The following PACS2 variants were observed in gnomAD, a reference collection of about 807,000 sequenced individuals.
The protein encoded by PACS2 is PACS1-like protein.
PACS2 carries 36 observed loss-of-function variants against 113.0 expected under a neutral mutation model. That is an observed-to-expected ratio of 0.32 (90% CI 0.24 to 0.42). The LOEUF is 0.42. Among genes scored for constraint, PACS2 ranks in the 10% least tolerant of loss-of-function variants. The probability of loss-of-function intolerance (pLI) is 1.00; values close to 1 mark genes in which losing one functional copy is unlikely to be tolerated. For synonymous variants in PACS2, 589 were observed against 536.1 expected (o/e 1.10, Z -1.36); for missense variants, 1,015 against 1,239.5 (o/e 0.82, Z 2.72).
rs782027340 is a variant in PACS2, at chr14:105,348,442, G to A, written c.120-51G>A. 8.4e-6 allele frequency: 12 copies of A among 1,422,872 alleles called. No individual in the cohort carries two copies. The highest frequency in any genetic ancestry group is 8.4e-5 in the African/African-American group (6 of 71,236). The allele number at this position is 1,422,872 out of a possible 1,614,324, so 88.1% of individuals were successfully genotyped here. ...CAGTGCTGGGACGGCACAGGGCCGC[G>A]TCCTGAGGAGAGGGCGGAGCCCCGA... On this transcript the variant is annotated intron_variant, in intron 1 of 24. Transcript: ENST00000447393. The surrounding 1 kb of genome is among the most constrained non-coding windows in gnomAD (Gnocchi z 6.4).
rs782039359 is a variant in PACS2, at chr14:105,368,441, C to T, written c.661-18C>T. Reference sequence around the variant, plus strand: ...ATGCAGGCTGCCGTGGCCTCAGCCACTGCATATGTCTCTGCAGGACTTGGA... The same window carrying T: ...ATGCAGGCTGCCGTGGCCTCAGCCATTGCATATGTCTCTGCAGGACTTGGA... On this transcript the variant is annotated intron_variant, in intron 6 of 24. Transcript: ENST00000447393. The T allele has an allele frequency of 5.0e-6, 8 of 1,606,344 alleles. No homozygotes were observed. Among genetic ancestry groups the T allele is most frequent in the Non-Finnish European group, 6.8e-6 (8 of 1,173,412 alleles).
chr14:105,368,156 G>A lies in PACS2; in HGVS notation c.660+9G>A. The A allele has an allele frequency of 1.3e-6, 2 of 1,596,366 alleles. No individual in the cohort carries two copies. Among genetic ancestry groups the A allele is most frequent in the South Asian group, 2.2e-5 (2 of 90,812 alleles). Reference sequence around the variant, plus strand: ...ACGCCGTGCAGGGGCAGGTGACCTGGGGCCGGGGCTCCGCGCCCTCTCCTG... The same window carrying A: ...ACGCCGTGCAGGGGCAGGTGACCTGAGGCCGGGGCTCCGCGCCCTCTCCTG... On this transcript the variant is annotated intron_variant, in intron 6 of 24. Coordinates refer to ENST00000447393, the MANE Select transcript of PACS2 (RefSeq NM_001100913.3).
intron 7 of PACS2, 69 bp from the exon 8 acceptor site, chr14:105,369,772 A>G: frequency 7.2e-7 from 1 of 1,392,626 alleles, no homozygotes; most frequent in East Asian, 2.5e-5. Flanking sequence ...CCTGGGCCTG[A>G]GGAAGGGGCT....
chr14:105,303,090 A>C (rs1162884397), intron 1 of PACS2, among the ~76,000 whole-genome samples: 1 of 151,996 alleles, frequency 6.6e-6, no homozygotes, highest in Non-Finnish European at 1.5e-5. Flanking sequence ...CACCACGCCC[A>C]GCTAATTTTT....
chr14:105,370,040 C>G, intron 8 of PACS2, 140 bp downstream of exon 8: 1 of 721,910 alleles, frequency 1.4e-6, no homozygotes, highest in Non-Finnish European at 2.3e-6. Flanking sequence ...ATCGCACAGT[C>G]TGCGAGGCGC....
chr14:105,338,896 C>G (rs1187831585), intron 1 of PACS2, among the ~76,000 whole-genome samples: 1 of 152,208 alleles, frequency 6.6e-6, no homozygotes, highest in Non-Finnish European at 1.5e-5. Flanking sequence ...TCTTCCTACT[C>G]TCTCCCCTCC....
intron 1 of PACS2, among the ~76,000 whole-genome samples, chr14:105,302,671 T>C (rs1480260719): frequency 6.6e-6 from 1 of 151,996 alleles, no homozygotes; most frequent in African/African-American, 2.4e-5. Context: ...CTGCAGACTC[T>C]ACCTCCTGGG....
Position 105,394,745 on chromosome 14 carries a change from G to A in PACS2, c.*73G>A. 1 of 937,700 alleles carries A rather than the reference G, an allele frequency of 1.1e-6. No homozygotes were observed. The highest frequency in any genetic ancestry group is 1.8e-6 in the Non-Finnish European group (1 of 564,632). The allele number at this position is 937,700 out of a possible 1,614,324, so 58.1% of individuals were successfully genotyped here. The stretch of plus-strand genomic sequence containing the variant: ...CAGCTGCATTTCTGTTAACATTTCA[G>A]TTTACTACAGAGACAGACGCTTAAA... On this transcript the variant is annotated 3_prime_UTR_variant, in exon 25 of 25. Coordinates refer to ENST00000447393, the MANE Select transcript of PACS2 (RefSeq NM_001100913.3).
intron 10 of PACS2, 111 bp from the exon 11 acceptor site, chr14:105,379,969 C>T (rs2080922410): frequency 1.5e-6 from 2 of 1,308,300 alleles, no homozygotes; most frequent in Non-Finnish European, 2.2e-6. Context: ...GTCCAGCACA[C>T]TGCCACGCAG....
chr14:105,307,199 C>A (rs116565256), intron 1 of PACS2, among the ~76,000 whole-genome samples: 1 of 152,130 alleles, frequency 6.6e-6, no homozygotes, highest in East Asian at 1.9e-4. Context: ...CTTGAGCCAC[C>A]GTGCAGGCTG....
chr14:105,314,663 G>GGTCGGAGGGCGCCGGGCGCGC (rs2058474901), upstream of PACS2: 2 of 143,850 alleles, frequency 1.4e-5, no homozygotes, highest in Non-Finnish European at 3.1e-5. Flanking sequence ...CGCCGGCGCG[G>GGTCGGAGGGCGCCGGGCGCGC]GTCGGAGGGC....
In PACS2 at chr14:105,392,835, G is replaced by T. The variant is rs1001663611; in HGVS notation, c.2472G>T (p.Lys824Asn). 1 of 1,601,960 alleles carries T rather than the reference G, an allele frequency of 6.2e-7. No homozygotes were observed. The change falls in exon 23 of 25, where the codon AAG (lysine) becomes AAT (asparagine). Residue 824 changes from lysine to asparagine, a missense_variant. This residue lies in a region of PACS2 where 859 missense variants were observed against 1,056.8 expected (regional missense o/e 0.81). Transcript: ENST00000447393. ...CCATGACCGTGGTCACCAAGGAGAAGAACAAGAAGGGTGAGGTGGGGCAGG... is the reference window on the plus strand; with the variant it reads ...CCATGACCGTGGTCACCAAGGAGAATAACAAGAAGGGTGAGGTGGGGCAGG... ...TMSMTVVTKE[K>N]NKKVMFLPKK...
At chr14:105,345,374 T>C (rs1555402413) in intron 1 of PACS2, among the ~76,000 whole-genome samples, 1 of 151,922 alleles carries the variant, frequency 6.6e-6, no homozygotes, top group Non-Finnish European at 1.5e-5. Context: ...GCCACCGCAC[T>C]CCAGCCTGGG....
chr14:105,360,580 A>T (rs1274636810), intron 4 of PACS2, among the ~76,000 whole-genome samples: 5 of 151,362 alleles, frequency 3.3e-5, no homozygotes, highest in Admixed American at 3.3e-4. Context: ...GCTAACAATC[A>T]TCTGAGCCTT....
chr14:105,389,935 T>C, intron 19 of PACS2, 26 bp from the exon 20 acceptor site: 1 of 1,610,330 alleles, frequency 6.2e-7, no homozygotes, highest in African/African-American at 1.3e-5. Flanking sequence ...TGAGGAGAGC[T>C]TAACTGTCTG....
chr14:105,369,868 G>C lies in PACS2; in HGVS notation c.769G>C (p.Ala257Pro). The change falls in exon 8 of 25, where the codon GCG becomes CCG. Residue 257 changes from alanine (A) to proline (P), a missense_variant. Around this residue, in one of 3 missense-constraint regions of PACS2, gnomAD observed 859 missense variants for 1,056.8 expected, o/e 0.81. Transcript: ENST00000447393. ...RQQNFKQKVV[A>P]LLRRFKVSDE... ...ACAGAACTTCAAGCAGAAAGTGGTA[G>C]CGCTGCTGCGGAGGTTCAAAGTGTC... The C allele has an allele frequency of 6.2e-7, 1 of 1,604,480 alleles. No individual in the cohort carries two copies. Among genetic ancestry groups the C allele is most frequent in the Non-Finnish European group, 8.5e-7 (1 of 1,178,214 alleles).
intron 19 of PACS2, among the ~76,000 whole-genome samples, chr14:105,388,366 G>A (rs1302019367): frequency 6.6e-6 from 1 of 152,258 alleles, no homozygotes; most frequent in Non-Finnish European, 1.5e-5. Context: ...CTGCCGGGCA[G>A]AGGCTGTTTT....
intron 21 of PACS2, 171 bp from the exon 22 acceptor site, chr14:105,391,459 CA>C: frequency 1.4e-6 from 1 of 699,406 alleles, no homozygotes; most frequent in Non-Finnish European, 2.4e-6. Flanking sequence ...GGTTGTCTTC[CA>C]AAAACCGAGG....
At chr14:105,384,634 C>T (rs1407045856) in intron 17 of PACS2, among the ~76,000 whole-genome samples, 171 bp downstream of exon 17, 4 of 152,216 alleles carry the variant, frequency 2.6e-5, no homozygotes, top group Middle Eastern at 3.2e-3. Flanking sequence ...TCCCCTGAGC[C>T]TTGGAATGTT....
Sources: gnomAD v4.1 joint callset for allele counts (sites outside exome capture counted in the v4.1 genomes callset) on GRCh38, gnomAD v4.1.1 for gene constraint, gnomAD v4.1.1 regional missense constraint, Gnocchi (gnomAD v3.1) non-coding constraint, MANE v1.5 for transcripts, NCBI Gene and HGNC (gene_info 2026-07-23, HGNC 2026-07-21) for gene names.